ZBTB20: variants seen among roughly 807,000 people sequenced by gnomAD.
ZBTB20 encodes zinc finger and BTB domain containing 20.
Under a neutral mutation model 56.9 loss-of-function variants are expected in ZBTB20, and 9 were observed. That is an observed-to-expected ratio of 0.16 (90% confidence interval 0.10 to 0.28). The LOEUF is 0.28. ZBTB20 is among the 10% of genes least tolerant of loss of function. The pLI is 1.00. For missense variants in ZBTB20, 655 were observed against 1,003.0 expected, an observed-to-expected ratio of 0.65 and a Z score of 4.69; for synonymous variants, 417 against 420.7, an observed-to-expected ratio of 0.99 and a Z score of 0.11.
intron 4 of ZBTB20, among the ~76,000 whole-genome samples, chr3:114,899,518 A>C (rs1427262599): frequency 1.3e-5 from 2 of 151,986 alleles, no homozygotes; most frequent in Non-Finnish European, 2.9e-5. Flanking sequence ...AGGGCAGTCA[A>C]CAGCTACTAA....
chr3:114,579,911 C>T (rs935982338), intron 6 of ZBTB20, among the ~76,000 whole-genome samples: 11 of 151,570 alleles, frequency 7.3e-5, no homozygotes, highest in African/African-American at 2.2e-4. Context: ...GTCTGCCTAC[C>T]TACAACCTAC....
intron 4 of ZBTB20, among the ~76,000 whole-genome samples, chr3:114,872,251 GGAT>G (rs1254619728): frequency 1.8e-4 from 27 of 152,008 alleles, no homozygotes; most frequent in Non-Finnish European, 1.8e-4. Flanking sequence ...GGGAACACAA[GGAT>G]TAAAACCACA....
chr3:115,002,637 T>C (rs1350051489), intron 2 of ZBTB20, among the ~76,000 whole-genome samples: 1 of 151,502 alleles, frequency 6.6e-6, no homozygotes, highest in African/African-American at 2.4e-5. Context: ...AACAATGAGA[T>C]ATCACTAAAC....
chr3:115,054,302 C>T (rs932200417), intron 2 of ZBTB20, among the ~76,000 whole-genome samples: 4 of 152,034 alleles, frequency 2.6e-5, no homozygotes, highest in East Asian at 1.9e-4. Flanking sequence ...TCCAGGAAAG[C>T]GCTGAAATAA....
intron 10 of ZBTB20, among the ~76,000 whole-genome samples, chr3:114,379,666 G>C (rs910876279): frequency 6.6e-6 from 1 of 152,010 alleles, no homozygotes; most frequent in African/African-American, 2.4e-5. Flanking sequence ...GTGAAGTCTG[G>C]GTGGCTTCTG....
intron 6 of ZBTB20, among the ~76,000 whole-genome samples, chr3:114,611,469 G>C (rs979647247): frequency 1.3e-5 from 2 of 152,150 alleles, no homozygotes; most frequent in Non-Finnish European, 1.5e-5. Context: ...CTATAACAAA[G>C]CTCTCACAGG....
chr3:114,819,079 A>G (rs2073101656), intron 4 of ZBTB20, among the ~76,000 whole-genome samples: 2 of 151,980 alleles, frequency 1.3e-5, no homozygotes, highest in Non-Finnish European at 2.9e-5. Context: ...CATGTGGATT[A>G]TAAATAGGAA....
chr3:115,139,906 AATATC>A (rs1273777529), intron 1 of ZBTB20, among the ~76,000 whole-genome samples: 3 of 152,150 alleles, frequency 2.0e-5, no homozygotes, highest in East Asian at 1.9e-4. Context: ...ATAAGTACTT[AATATC>A]ATATATCTAT....
Position 115,055,187 on chromosome 3 carries a change from A to ATCTCTCTCTCTCTCTCTCTCTCTCTC in ZBTB20, c.-507+16006_-507+16031dup, listed in dbSNP as rs58480744. Among the ~76,000 whole-genome samples, 19 of 103,182 alleles carry ATCTCTCTCTCTCTCTCTCTCTCTCTC rather than the reference A, an allele frequency of 1.8e-4. 1 individual carries two copies. Among genetic ancestry groups the ATCTCTCTCTCTCTCTCTCTCTCTCTC allele is most frequent in the African/African-American group, 5.6e-4 (14 of 25,170 alleles). The allele number at this position is 103,182 out of a possible 152,430, so 67.7% of individuals were successfully genotyped here. ...TACAATCTTTTGCTCCCTCCTGGTA[A>ATCTCTCTCTCTCTCTCTCTCTCTCTC]TCTCTCTCTCTCTCTCTCTCTCTCT... On this transcript the variant is annotated intron_variant, in intron 2 of 11. Coordinates refer to ENST00000675478, the MANE Select transcript of ZBTB20 (RefSeq NM_001348800.3).
At chr3:114,734,489 TC>T (rs2065989323) in intron 5 of ZBTB20, among the ~76,000 whole-genome samples, 1 of 152,090 alleles carries the variant, frequency 6.6e-6, no homozygotes, top group South Asian at 2.1e-4. Flanking sequence ...ATCCATAGGT[TC>T]TTGGAAACTG....
chr3:114,885,198 C>G lies in ZBTB20; in HGVS notation c.-417+15106G>C, dbSNP rs146573811. Among the ~76,000 whole-genome samples the G allele has an allele frequency of 7.2e-5, 11 of 152,284 alleles. 1 individual carries two copies. The highest frequency in any genetic ancestry group is 2.2e-4 in the African/African-American group (9 of 41,560). ...CATTGTTAATAGTTGACAGAACACT[C>G]CTCCCTTGCCACAGCTACTCTAATA... is the stretch of plus-strand genomic sequence containing the variant. On this transcript the variant is annotated intron_variant, in intron 4 of 11. Transcript: ENST00000675478.
chr3:114,925,690 C>T (rs11710659), intron 3 of ZBTB20, among the ~76,000 whole-genome samples: 2 of 152,000 alleles, frequency 1.3e-5, no homozygotes, highest in Admixed American at 1.3e-4. Context: ...CCACACCTGG[C>T]TAAATTTTTG....
intron 6 of ZBTB20, among the ~76,000 whole-genome samples, chr3:114,684,956 G>T (rs1471193423): frequency 3.3e-5 from 5 of 152,120 alleles, no homozygotes; most frequent in South Asian, 2.1e-4. Context: ...ATCAAATCCA[G>T]TTGCACAGAA....
At chr3:114,566,005 T>A (rs930769696) in intron 6 of ZBTB20, among the ~76,000 whole-genome samples, 1 of 143,922 alleles carries the variant, frequency 6.9e-6, no homozygotes, top group African/African-American at 2.8e-5. Flanking sequence ...ACATTTTTTC[T>A]TTTTTTTTCT....
rs1321408456 is a variant in ZBTB20 at position 115,121,506 on chromosome 3, CAA to C, written c.-703+25711_-703+25712del. Among the ~76,000 whole-genome samples the C allele has an allele frequency of 4.0e-5, 6 of 151,776 alleles. No individual in the cohort carries two copies. In the East Asian group the frequency reaches 5.8e-4, roughly 15 times the overall value. On this transcript the variant is annotated intron_variant, in intron 1 of 11. Coordinates refer to ENST00000675478, the MANE Select transcript of ZBTB20 (RefSeq NM_001348800.3). The stretch of plus-strand genomic sequence containing the variant: ...TTATGAGGCAAAAAGAAAAAAAAGA[CAA>C]GAGTCAAGAAGTCAAGAATAATGAA...
intron 4 of ZBTB20, among the ~76,000 whole-genome samples, chr3:114,869,656 T>A (rs1395569992): frequency 6.6e-6 from 1 of 152,214 alleles, no homozygotes; most frequent in Non-Finnish European, 1.5e-5. Flanking sequence ...ACAAGCCTAT[T>A]TCCTTATCTA....
intron 7 of ZBTB20, among the ~76,000 whole-genome samples, chr3:114,459,461 A>G (rs1455511560): frequency 1.3e-5 from 2 of 152,186 alleles, no homozygotes; most frequent in African/African-American, 4.8e-5. Context: ...GCAGTCTCTC[A>G]GTGACTGCCC....
At chr3:115,143,379 A>C (rs967525567) in intron 1 of ZBTB20, among the ~76,000 whole-genome samples, 1 of 152,168 alleles carries the variant, frequency 6.6e-6, no homozygotes, top group Non-Finnish European at 1.5e-5. Flanking sequence ...TAAAATCACA[A>C]CTGAAACTAG....
chr3:114,499,675 C>A (rs949789382), intron 7 of ZBTB20, among the ~76,000 whole-genome samples: 3 of 152,092 alleles, frequency 2.0e-5, no homozygotes, highest in African/African-American at 7.2e-5. Context: ...CCATTCAGTG[C>A]AGCCTGGTTT....
Sources: gnomAD v4.1 joint callset for allele counts (sites outside exome capture counted in the v4.1 genomes callset) on GRCh38, gnomAD v4.1.1 for gene constraint, MANE v1.5 for transcripts, NCBI Gene and HGNC (gene_info 2026-07-23, HGNC 2026-07-21) for gene names.